ARHGEF10L: variants seen among roughly 807,000 people sequenced by gnomAD.
ARHGEF10L encodes the protein Rho guanine nucleotide exchange factor 10 like.
In ARHGEF10L, 69 loss-of-function variants were observed where a neutral mutation model predicts 141.2. That is an observed-to-expected ratio of 0.49 (90% CI 0.40 to 0.60). The LOEUF (loss-of-function observed/expected upper bound fraction) is 0.60. ARHGEF10L is among the 20% of genes least tolerant of loss of function. The pLI, the probability that ARHGEF10L is intolerant of heterozygous loss-of-function variation, is 0.00. For missense variants in ARHGEF10L, 1,482 were observed against 1,734.3 expected, an observed-to-expected ratio of 0.85 and a Z score of 2.58; for synonymous variants, 711 against 718.5, an observed-to-expected ratio of 0.99 and a Z score of 0.17.
At chr1:17,605,561 G>A (rs1376806850) in intron 6 of ARHGEF10L, among the ~76,000 whole-genome samples, 1 of 151,800 alleles carries the variant, frequency 6.6e-6, no homozygotes, top group African/African-American at 2.4e-5. Context: ...TGTAGATGGC[G>A]GGGACTTCAA....
intron 4 of ARHGEF10L, among the ~76,000 whole-genome samples, chr1:17,593,383 G>T (rs770070076): frequency 6.6e-6 from 1 of 152,156 alleles, no homozygotes; most frequent in African/African-American, 2.4e-5. Flanking sequence ...AATCTGTGAC[G>T]CTGCGTGGCA....
the ARHGEF10L span, among the ~76,000 whole-genome samples, chr1:17,516,415 A>C: frequency 1.8e-4 from 27 of 152,336 alleles, no homozygotes; most frequent in Non-Finnish European, 3.1e-4. Context: ...ACAGGGCCAG[A>C]GAGGAGATTC....
In ARHGEF10L at chr1:17,697,470, G is replaced by A. The variant is rs560112791; in HGVS notation, c.*90G>A. 20 of 1,448,264 alleles carry A rather than the reference G, an allele frequency of 1.4e-5. No individual in the cohort carries two copies. The Admixed American group carries it at 2.6e-4, about 19-fold the overall frequency. 89.7% of individuals were successfully genotyped at this position (1,448,264 alleles called of 1,614,324 possible). On this transcript the variant is annotated 3_prime_UTR_variant, in exon 29 of 29. Coordinates refer to ENST00000361221, the MANE Select transcript of ARHGEF10L (RefSeq NM_018125.4). This position sits in a 1 kb window ranked among gnomAD's most constrained non-coding sequence, Gnocchi z 4.8. ...GCTCTAGGACCTGCACGGGACTTGT[G>A]GATGGGCCTGGACTCTCCAGAAACT...
chr1:17,568,684 G>A (rs2077864987), intron 1 of ARHGEF10L, among the ~76,000 whole-genome samples: 1 of 152,310 alleles, frequency 6.6e-6, no homozygotes, highest in South Asian at 2.1e-4. Context: ...CCAGGCTGTG[G>A]GCGGCATCCG....
intron 26 of ARHGEF10L, among the ~76,000 whole-genome samples, chr1:17,683,707 T>G (rs996070939): frequency 1.2e-4 from 19 of 152,236 alleles, no homozygotes; most frequent in African/African-American, 4.6e-4. Context: ...CTCCCCGCTT[T>G]GGGCTCAGCA....
intron 23 of ARHGEF10L, among the ~76,000 whole-genome samples, chr1:17,655,563 G>A (rs2062191215): frequency 6.6e-6 from 1 of 152,200 alleles, no homozygotes; most frequent in Admixed American, 6.5e-5. Context: ...GGTCAACACA[G>A]AGAAGGGCAT....
intron 21 of ARHGEF10L, among the ~76,000 whole-genome samples, chr1:17,641,912 C>T (rs576943090): frequency 2.0e-5 from 3 of 148,516 alleles, no homozygotes; most frequent in South Asian, 2.1e-4. Context: ...ACCTAGGAGG[C>T]GGAGGTTGCA....
chr1:17,672,876 G>T (rs556040918), intron 26 of ARHGEF10L, among the ~76,000 whole-genome samples: 1 of 152,176 alleles, frequency 6.6e-6, no homozygotes, highest in East Asian at 1.9e-4. Flanking sequence ...GCAAACTCGG[G>T]CCTGGAGGGG....
At position 17,623,261 on chromosome 1, in the gene ARHGEF10L, C is replaced by A; in HGVS notation, c.1200+86C>A. 1.4e-6 allele frequency: 2 copies of A among 1,470,136 alleles called. No homozygotes were observed. The highest frequency in any genetic ancestry group is 1.3e-5 in the South Asian group (1 of 77,524). 91.1% of individuals were successfully genotyped at this position (1,470,136 alleles called of 1,614,324 possible). On this transcript the variant is annotated intron_variant, in intron 12 of 28. Transcript: ENST00000361221. The surrounding 1 kb of genome is among the most constrained non-coding windows in gnomAD (Gnocchi z 4.7). ...CGGGGCCATGCAGTCCAGCCTCCTG[C>A]CTCTGCCTGCTTGCCTTGTTCAAGT...
At chr1:17,604,765 G>C (rs2100987735) in intron 6 of ARHGEF10L, 1 of 152,364 alleles carries the variant, frequency 6.6e-6, no homozygotes, top group East Asian at 1.9e-4. Flanking sequence ...CACTGTATTA[G>C]GAGGCAAAGG....
chr1:17,530,981 G>T, the ARHGEF10L span, among the ~76,000 whole-genome samples: 251 of 151,522 alleles, frequency 1.7e-3, 2 homozygotes, highest in African/African-American at 5.8e-3. Flanking sequence ...CTCCAGCCTG[G>T]GTGACACAGC....
chr1:17,660,923 G>A (rs2062585613), intron 25 of ARHGEF10L, among the ~76,000 whole-genome samples: 2 of 152,316 alleles, frequency 1.3e-5, no homozygotes, highest in Non-Finnish European at 2.9e-5. Flanking sequence ...ACAGCAATTG[G>A]GTTTAGGATC....
intron 1 of ARHGEF10L, among the ~76,000 whole-genome samples, chr1:17,565,501 G>T (rs1411680317): frequency 6.6e-6 from 1 of 152,302 alleles, no homozygotes; most frequent in Non-Finnish European, 1.5e-5. Flanking sequence ...ACTCCTCATT[G>T]CCTGAATCTA....
Position 17,623,232 on chromosome 1 carries a change from AC to A in ARHGEF10L, c.1200+61del. 1 of 1,572,506 alleles carries A rather than the reference AC, an allele frequency of 6.4e-7. No homozygotes were observed. Among genetic ancestry groups the A allele is most frequent in the Non-Finnish European group, 8.6e-7 (1 of 1,156,606 alleles). ...CCAAGGTAAAACCACAACCAGTCTG[AC>A]CCCGGGGCCATGCAGTCCAGCCTCC... On this transcript the variant is annotated intron_variant, in intron 12 of 28. Coordinates refer to ENST00000361221, the MANE Select transcript of ARHGEF10L (RefSeq NM_018125.4). This position sits in a 1 kb window ranked among gnomAD's most constrained non-coding sequence, Gnocchi z 4.7.
chr1:17,625,917 G>T lies in ARHGEF10L; in HGVS notation c.1318-39G>T. On this transcript the variant is annotated intron_variant, in intron 13 of 28. Coordinates refer to ENST00000361221, the MANE Select transcript of ARHGEF10L (RefSeq NM_018125.4). This position sits in a 1 kb window ranked among gnomAD's most constrained non-coding sequence, Gnocchi z 4.5. Reference sequence around the variant, plus strand: ...GACTCTGGGGCACTGGGCCCTCTCTGCAGGGGGTCAGCGAATGACGGAACC... The same window carrying T: ...GACTCTGGGGCACTGGGCCCTCTCTTCAGGGGGTCAGCGAATGACGGAACC... The T allele has an allele frequency of 1.9e-6, 3 of 1,591,488 alleles. No individual in the cohort carries two copies. Among genetic ancestry groups the T allele is most frequent in the South Asian group, 1.1e-5 (1 of 90,284 alleles).
In ARHGEF10L at chr1:17,646,446, G is replaced by A. The variant is rs531975188; in HGVS notation, c.2273-2108G>A. 3.3e-5 allele frequency among the ~76,000 whole-genome samples: 5 copies of A among 152,344 alleles called. No individual in the cohort carries two copies. In the South Asian group the frequency reaches 6.2e-4, roughly 19 times the overall value. Reference sequence around the variant, plus strand: ...TGTTCATATCCCTAAATGTAGTGATGGTCTGTGGTGGGTCCAGCCCTGCGT... The same window carrying A: ...TGTTCATATCCCTAAATGTAGTGATAGTCTGTGGTGGGTCCAGCCCTGCGT... On this transcript the variant is annotated intron_variant, in intron 21 of 28. Transcript: ENST00000361221.
chr1:17,540,939 C>A (rs980597854), intron 1 of ARHGEF10L, among the ~76,000 whole-genome samples: 1 of 152,180 alleles, frequency 6.6e-6, no homozygotes, highest in African/African-American at 2.4e-5. Flanking sequence ...CAGCACTGTG[C>A]CCCCCACGGT....
intron 2 of ARHGEF10L, among the ~76,000 whole-genome samples, chr1:17,584,032 A>T (rs576137954): frequency 6.6e-6 from 1 of 151,878 alleles, no homozygotes; most frequent in African/African-American, 2.4e-5. Context: ...TAAAATTATT[A>T]AAAAATTTTT....
rs569503031 is a variant in ARHGEF10L at position 17,571,011 on chromosome 1, C to T, written c.-43-9542C>T. ...ATGGGCACGTTAAGGCTGAGATGCC[C>T]GATCAATCACTGAGTGAAGACACAG... On this transcript the variant is annotated intron_variant, in intron 1 of 28. Coordinates refer to ENST00000361221, the MANE Select transcript of ARHGEF10L (RefSeq NM_018125.4). 5.9e-5 allele frequency among the ~76,000 whole-genome samples: 9 copies of T among 152,050 alleles called. No individual in the cohort carries two copies. In the East Asian group the frequency reaches 9.7e-4, roughly 16 times the overall value.
Sources: gnomAD v4.1 joint callset for allele counts (sites outside exome capture counted in the v4.1 genomes callset) on GRCh38, gnomAD v4.1.1 for gene constraint, Gnocchi (gnomAD v3.1) non-coding constraint, MANE v1.5 for transcripts, NCBI Gene and HGNC (gene_info 2026-07-23, HGNC 2026-07-21) for gene names.